The following EPS8 variants were observed in gnomAD, a reference collection of about 807,000 sequenced individuals.
EPS8 encodes the protein epidermal growth factor receptor kinase substrate 8.
A neutral mutation model predicts 103.8 loss-of-function variants in EPS8; 42 were observed. That is an observed-to-expected ratio of 0.40 (90% CI 0.32 to 0.52). The LOEUF (loss-of-function observed/expected upper bound fraction) is 0.52, where lower values mean the gene tolerates loss of function less well. Among genes scored for constraint, EPS8 ranks in the 20% least tolerant of loss-of-function variants. The probability of loss-of-function intolerance (pLI) is 0.40; values close to 1 mark genes in which losing one functional copy is unlikely to be tolerated. For missense variants in EPS8, 969 were observed against 1,005.1 expected, an observed-to-expected ratio of 0.96 and a Z score of 0.49; for synonymous variants, 344 against 344.6, an observed-to-expected ratio of 1.00 and a Z score of 0.02.
At position 15,654,149 on chromosome 12, in the gene EPS8, C is replaced by T; in HGVS notation, c.1246G>A (p.Ala416Thr). 6.2e-7 allele frequency: 1 copy of T among 1,613,564 alleles called. No individual in the cohort carries two copies. The highest frequency in any genetic ancestry group is 8.5e-7 in the Non-Finnish European group (1 of 1,179,652). The change falls in exon 13 of 21, where the codon GCC becomes ACC. Residue 416 changes from alanine to threonine, a missense_variant. Coordinates refer to ENST00000281172, the MANE Select transcript of EPS8 (RefSeq NM_004447.6). Reference sequence around the variant, plus strand: ...TTATAGGTGGTAAATGCTTACCTGGCTTTCATCCAAGTTCCTCCCAATGAC... The same window carrying T: ...TTATAGGTGGTAAATGCTTACCTGGTTTTCATCCAAGTTCCTCCCAATGAC... The part of the protein sequence containing the change: ...WMSLGGTWMK[A>T]RAEWPKEQFI...
At chr12:15,673,980 T>C (rs1945860198) in intron 3 of EPS8, among the ~76,000 whole-genome samples, 2 of 152,198 alleles carry the variant, frequency 1.3e-5, no homozygotes. Context: ...CAGACAGAAT[T>C]ACATGAATTC....
At chr12:15,682,392 T>C (rs1946023562) in intron 2 of EPS8, among the ~76,000 whole-genome samples, 2 of 152,214 alleles carry the variant, frequency 1.3e-5, no homozygotes, top group African/African-American at 4.8e-5. Context: ...CATAAGACAA[T>C]GGCCAATTAA....
chr12:15,631,348 A>T (rs1945041452), intron 18 of EPS8, 94 bp downstream of exon 18: 3 of 1,537,578 alleles, frequency 2.0e-6, no homozygotes, highest in Non-Finnish European at 1.8e-6. Context: ...AGTATAAAGG[A>T]CTTTAATACA....
chr12:15,637,412 G>A (rs1591808350), intron 17 of EPS8, among the ~76,000 whole-genome samples: 1 of 152,172 alleles, frequency 6.6e-6, no homozygotes, highest in Non-Finnish European at 1.5e-5. Flanking sequence ...GCCCAATCCT[G>A]GCTTCATACA....
chr12:15,684,875 T>C lies in EPS8; in HGVS notation c.-21-1903A>G, dbSNP rs1288310359. On this transcript the variant is annotated intron_variant, in intron 1 of 20. Transcript: ENST00000281172. This position sits in a 1 kb window ranked among gnomAD's most constrained non-coding sequence, Gnocchi z 4.9. ...ATGCATGTACTTATAAAATTACATG[T>C]ATATTACATTGCTGTGCTCCATTTT... Among the ~76,000 whole-genome samples, 3 of 152,236 alleles carry C rather than the reference T, an allele frequency of 2.0e-5. No homozygotes were observed. Among genetic ancestry groups the C allele is most frequent in the Non-Finnish European group, 2.9e-5 (2 of 68,032 alleles).
At chr12:15,755,571 T>G (rs1156297259) in intron 1 of EPS8, among the ~76,000 whole-genome samples, 5 of 152,194 alleles carry the variant, frequency 3.3e-5, no homozygotes, top group African/African-American at 1.2e-4. Context: ...AAAGCAAATG[T>G]AAAGCACTAA....
At chr12:15,754,344 T>C (rs1292121577) in intron 1 of EPS8, among the ~76,000 whole-genome samples, 2 of 152,006 alleles carry the variant, frequency 1.3e-5, no homozygotes, top group Non-Finnish European at 2.9e-5. Context: ...GCAGAGGTCA[T>C]GAGCTTGGCA....
intron 1 of EPS8, among the ~76,000 whole-genome samples, chr12:15,744,417 G>A (rs184351157): frequency 1.3e-5 from 2 of 152,292 alleles, no homozygotes; most frequent in East Asian, 3.9e-4. Flanking sequence ...ATACAAGGAT[G>A]AACTATAGTG....
rs1468125459 is a variant in EPS8, at chr12:15,696,774, C to A, written c.-21-13802G>T. On this transcript the variant is annotated intron_variant, in intron 1 of 20. Coordinates refer to ENST00000281172, the MANE Select transcript of EPS8 (RefSeq NM_004447.6). This position sits in a 1 kb window ranked among gnomAD's most constrained non-coding sequence, Gnocchi z 4.8. ...AGGCCAGTGTCAATCTATAAACCCC[C>A]AAAAATATTTGCCAGGAATTACATT... 2.6e-5 allele frequency among the ~76,000 whole-genome samples: 4 copies of A among 152,014 alleles called. No individual in the cohort carries two copies. The highest frequency in any genetic ancestry group is 5.9e-5 in the Non-Finnish European group (4 of 68,014).
intron 13 of EPS8, among the ~76,000 whole-genome samples, chr12:15,653,490 C>T (rs934127309): frequency 3.3e-5 from 5 of 152,140 alleles, no homozygotes; most frequent in African/African-American, 1.2e-4. Flanking sequence ...CAGAGAAACA[C>T]ATCTTCATCC....
At chr12:15,723,661 G>A (rs1276895803) in intron 1 of EPS8, among the ~76,000 whole-genome samples, 2 of 152,030 alleles carry the variant, frequency 1.3e-5, no homozygotes, top group Non-Finnish European at 2.9e-5. Context: ...ATGTCTTTCT[G>A]TATTCTCAAT....
At chr12:15,743,930 G>A (rs1244531702) in intron 1 of EPS8, among the ~76,000 whole-genome samples, 1 of 152,144 alleles carries the variant, frequency 6.6e-6, no homozygotes, top group Non-Finnish European at 1.5e-5. Flanking sequence ...TTAAACTAAA[G>A]AGCTTCTGCA....
rs1336162965 is a variant in EPS8 at position 15,684,172 on chromosome 12, G to C, written c.-21-1200C>G. The C allele has an allele frequency of 6.6e-6, 1 of 152,142 alleles. No individual in the cohort carries two copies. Among genetic ancestry groups the C allele is most frequent in the Non-Finnish European group, 1.5e-5 (1 of 68,008 alleles). The allele number at this position is 152,142 out of a possible 1,614,324, so 9.4% of individuals were successfully genotyped here. On this transcript the variant is annotated intron_variant, in intron 1 of 20. Coordinates refer to ENST00000281172, the MANE Select transcript of EPS8 (RefSeq NM_004447.6). The surrounding 1 kb of genome is among the most constrained non-coding windows in gnomAD (Gnocchi z 4.9). Reference sequence around the variant, plus strand: ...GCAAATAATAACAGAACTTAACTCTGATTGGAAGAGCACAGAAAGCCTACA... The same window carrying C: ...GCAAATAATAACAGAACTTAACTCTCATTGGAAGAGCACAGAAAGCCTACA...
chr12:15,668,222 T>C lies in EPS8; in HGVS notation c.516+1165A>G, dbSNP rs140387876. On this transcript the variant is annotated intron_variant, in intron 6 of 20. Transcript: ENST00000281172. ...CAAATTACCTAAATGCCAGTTCTTTTAGAAGAAGGTTTTTAGAAAGTCATC... is the reference window on the plus strand; with the variant it reads ...CAAATTACCTAAATGCCAGTTCTTTCAGAAGAAGGTTTTTAGAAAGTCATC... 8.6e-3 allele frequency among the ~76,000 whole-genome samples: 1,315 copies of C among 152,308 alleles called. 25 individuals carry two copies. The highest frequency in any genetic ancestry group is 0.031 in the African/African-American group (1,275 of 41,570).
rs1946297333 is a variant in EPS8, at chr12:15,700,405, G to A, written c.-21-17433C>T. 6.6e-6 allele frequency among the ~76,000 whole-genome samples: 1 copy of A among 152,114 alleles called. No homozygotes were observed. Among genetic ancestry groups the A allele is most frequent in the Non-Finnish European group, 1.5e-5 (1 of 68,026 alleles). On this transcript the variant is annotated intron_variant, in intron 1 of 20. Coordinates refer to ENST00000281172, the MANE Select transcript of EPS8 (RefSeq NM_004447.6). The surrounding 1 kb of genome is among the most constrained non-coding windows in gnomAD (Gnocchi z 5.1). The stretch of plus-strand genomic sequence containing the variant: ...TGTGTGGGCTAAAAGAGAAGTCATA[G>A]AATTCTAATGATTAAAGTGTATATT...
intron 15 of EPS8, among the ~76,000 whole-genome samples, chr12:15,646,787 T>A (rs988722226): frequency 1.3e-5 from 2 of 152,220 alleles, no homozygotes; most frequent in Non-Finnish European, 2.9e-5. Context: ...CTTTAAAAGC[T>A]ACAGAACTGG....
rs1946945521 is a variant in EPS8 at position 15,752,650 on chromosome 12, G to A, written c.-22+36511C>T. The stretch of plus-strand genomic sequence containing the variant: ...TCTTTATAATTGTAATAACCAATGG[G>A]TATGATTTCCCTTCTCCTGCTCAGG... On this transcript the variant is annotated intron_variant, in intron 1 of 20. Coordinates refer to ENST00000281172, the MANE Select transcript of EPS8 (RefSeq NM_004447.6). This position sits in a 1 kb window ranked among gnomAD's most constrained non-coding sequence, Gnocchi z 4.4. Among the ~76,000 whole-genome samples the A allele has an allele frequency of 6.6e-6, 1 of 151,908 alleles. No individual in the cohort carries two copies. The highest frequency in any genetic ancestry group is 1.5e-5 in the Non-Finnish European group (1 of 68,004).
intron 14 of EPS8, among the ~76,000 whole-genome samples, chr12:15,647,520 T>C (rs1454215034): frequency 1.3e-5 from 2 of 152,230 alleles, no homozygotes; most frequent in Admixed American, 1.3e-4. Flanking sequence ...GTAAATATTG[T>C]CACATGAAAA....
At position 15,787,075 on chromosome 12, in the gene EPS8, A is replaced by C. The variant is rs1263903757; in HGVS notation, c.-22+2086T>G. On this transcript the variant is annotated intron_variant, in intron 1 of 20. Transcript: ENST00000281172. This position sits in a 1 kb window ranked among gnomAD's most constrained non-coding sequence, Gnocchi z 4.9. ...CAGTGTTAAAATATTCATCCAATAG[A>C]ACTTCAAGTATTTAAAGAGACAACT... 2.0e-5 allele frequency among the ~76,000 whole-genome samples: 3 copies of C among 152,188 alleles called. No individual in the cohort carries two copies. Among genetic ancestry groups the C allele is most frequent in the Non-Finnish European group, 4.4e-5 (3 of 68,002 alleles).
Sources: gnomAD v4.1 joint callset for allele counts (sites outside exome capture counted in the v4.1 genomes callset) on GRCh38, gnomAD v4.1.1 for gene constraint, Gnocchi (gnomAD v3.1) non-coding constraint, MANE v1.5 for transcripts, NCBI Gene and HGNC (gene_info 2026-07-23, HGNC 2026-07-21) for gene names.